The following SETX variants were observed in gnomAD, a reference collection of about 807,000 sequenced individuals.
SETX encodes the protein senataxin, also known as helicase senataxin.
SETX carries 90 observed loss-of-function variants against 227.2 expected under a neutral mutation model. That is an observed-to-expected ratio of 0.40 (90% CI 0.33 to 0.47). The LOEUF is 0.47. Among genes scored for constraint, SETX ranks in the 20% least tolerant of loss-of-function variants. SETX has a pLI of 0.91. For synonymous variants in SETX, 1,210 were observed against 1,113.2 expected (o/e 1.09, Z -1.73); for missense variants, 3,052 against 3,181.5 (o/e 0.96, Z 0.98).
chr9:132,321,427 T>G (rs559680652), intron 10 of SETX, among the ~76,000 whole-genome samples: 1 of 152,010 alleles, frequency 6.6e-6, no homozygotes, highest in Admixed American at 6.5e-5. Context: ...AAGGCCGAGG[T>G]GGGTGGATCA....
chr9:132,292,970 T>C (rs1228682922), intron 15 of SETX, among the ~76,000 whole-genome samples: 1 of 152,172 alleles, frequency 6.6e-6, no homozygotes, highest in East Asian at 1.9e-4. Flanking sequence ...GTAACTTCAA[T>C]ACTAAAACTA....
chr9:132,295,782 G>C (rs975867987), intron 15 of SETX, 90 bp downstream of exon 15: 1 of 1,173,016 alleles, frequency 8.5e-7, no homozygotes, highest in South Asian at 1.3e-5. Flanking sequence ...CTATTACCAG[G>C]ACTGGCCTGC....
At chr9:132,331,254 A>G (rs1847216924) in intron 8 of SETX, 23 bp downstream of exon 8, 1 of 1,613,692 alleles carries the variant, frequency 6.2e-7, no homozygotes, top group East Asian at 2.2e-5. Context: ...TGATGTTTAA[A>G]TCCTGACATT....
intron 11 of SETX, among the ~76,000 whole-genome samples, chr9:132,306,127 C>G (rs903460321): frequency 7.2e-5 from 11 of 152,198 alleles, no homozygotes; most frequent in Admixed American, 5.2e-4. Flanking sequence ...GGAACCCTGC[C>G]TCCTAACACC....
chr9:132,335,239 A>C (rs1847531904), intron 6 of SETX, among the ~76,000 whole-genome samples: 1 of 151,422 alleles, frequency 6.6e-6, no homozygotes, highest in Non-Finnish European at 1.5e-5. Flanking sequence ...AAATACAAAA[A>C]AATTAGCCAG....
chr9:132,341,503 G>T (rs528788), intron 5 of SETX, among the ~76,000 whole-genome samples: 3 of 152,170 alleles, frequency 2.0e-5, no homozygotes, highest in Non-Finnish European at 2.9e-5. Flanking sequence ...ATCCATCCTT[G>T]AGAGTCCTGC....
chr9:132,305,316 T>G (rs1289895184), intron 11 of SETX, among the ~76,000 whole-genome samples: 8 of 130,790 alleles, frequency 6.1e-5, no homozygotes, highest in African/African-American at 2.5e-4. Flanking sequence ...ATTGTGCCAC[T>G]GCACTCCCGC....
chr9:132,331,006 T>C (rs770864596), intron 9 of SETX, 46 bp downstream of exon 9: 1 of 1,388,538 alleles, frequency 7.2e-7, no homozygotes. Context: ...GTCTACACAA[T>C]ATAAAGGCAA....
At chr9:132,307,208 T>C (rs764084222) in intron 11 of SETX, among the ~76,000 whole-genome samples, 9 of 152,100 alleles carry the variant, frequency 5.9e-5, no homozygotes, top group Admixed American at 2.0e-4. Context: ...TGAGCCAAGA[T>C]CAGCTACTGC....
In SETX at chr9:132,262,510, C is replaced by T. The variant is rs1003360800; in HGVS notation, c.*1729G>A. 6.6e-6 allele frequency: 1 copy of T among 152,376 alleles called. No individual in the cohort carries two copies. The highest frequency in any genetic ancestry group is 1.5e-5 in the Non-Finnish European group (1 of 68,050). The allele number at this position is 152,376 out of a possible 1,614,324, so 9.4% of individuals were successfully genotyped here. ...CCAGACAGAATGGGACCCATCCCTA[C>T]CCGTCCTGAACTGTCGCACACTGCA... On this transcript the variant is annotated 3_prime_UTR_variant, in exon 26 of 26. Coordinates refer to ENST00000224140, the MANE Select transcript of SETX (RefSeq NM_015046.7).
intron 19 of SETX, chr9:132,282,644 G>A (rs7023995): frequency 1.2e-5 from 2 of 160,252 alleles, no homozygotes; most frequent in African/African-American, 4.8e-5. Flanking sequence ...GCGTCCATGA[G>A]TGTGTTTCCC....
intron 10 of SETX, among the ~76,000 whole-genome samples, chr9:132,318,025 C>T (rs1846092457): frequency 6.6e-6 from 1 of 152,082 alleles, no homozygotes; most frequent in South Asian, 2.1e-4. Flanking sequence ...TATATTAACA[C>T]TTCTCTATCC....
chr9:132,298,185 G>A lies in SETX; in HGVS notation c.5676C>T (p.Ala1892=). 1 of 1,614,024 alleles carries A rather than the reference G, an allele frequency of 6.2e-7. No individual in the cohort carries two copies. The highest frequency in any genetic ancestry group is 8.5e-7 in the Non-Finnish European group (1 of 1,179,978). The part of the protein sequence containing the change: ...SLVTTQRKLK[A]MSLLGSRNQL... Reference sequence around the variant, plus strand: ...GGTTCCGACTACCCAACAGAGACATGGCTTTCAACTTCCTTTGTGTAGTTA... The same window carrying A: ...GGTTCCGACTACCCAACAGAGACATAGCTTTCAACTTCCTTTGTGTAGTTA... Residue 1892 remains alanine (A), a synonymous_variant, in exon 13 of 26, where the codon GCC becomes GCT. Coordinates refer to ENST00000224140, the MANE Select transcript of SETX (RefSeq NM_015046.7).
In SETX at chr9:132,331,384, T is replaced by C; in HGVS notation, c.903A>G (p.Gly301=). Residue 301 remains glycine, a synonymous_variant, in exon 8 of 26, where the codon GGA becomes GGG. Coordinates refer to ENST00000224140, the MANE Select transcript of SETX (RefSeq NM_015046.7). ...HCFMVILDRL[G]SKVWGQLMDP... is the part of the protein sequence containing the mutation. ...CCATAAGTTGACCCCAGACCTTAGATCCAAGGCGATCCAGAATCACCATAA... is the reference window on the plus strand; with the variant it reads ...CCATAAGTTGACCCCAGACCTTAGACCCAAGGCGATCCAGAATCACCATAA... 1.2e-6 allele frequency: 2 copies of C among 1,614,026 alleles called. No individual in the cohort carries two copies. The highest frequency in any genetic ancestry group is 8.5e-7 in the Non-Finnish European group (1 of 1,179,990).
At position 132,331,407 on chromosome 9, in the gene SETX, TA is replaced by T. The variant is rs767011941; in HGVS notation, c.879del (p.Phe293LeufsTer3). ...GATCCAAGGCGATCCAGAATCACCA[TA>T]AAACAGTGTAACGCTGGCCAGAAAG... is the stretch of plus-strand genomic sequence containing the variant. ...VDPFWPALHC[F>X]MVILDRLGSK... On this transcript the variant is annotated frameshift_variant, in exon 8 of 26. Transcript: ENST00000224140. LOFTEE classifies it high-confidence loss of function. 10 of 1,614,110 alleles carry T rather than the reference TA, an allele frequency of 6.2e-6. No individual in the cohort carries two copies. The highest frequency in any genetic ancestry group is 8.5e-6 in the Non-Finnish European group (10 of 1,180,000).
rs1203179937 is a variant in SETX, at chr9:132,329,898, C to T, written c.1700G>A (p.Arg567Lys). The stretch of plus-strand genomic sequence containing the variant: ...CTGCCAACCTAGAGATAAATTTCCT[C>T]TAAGGAATAAGTTGAGCTTATCCCA... ...RFWDKLNLFL[R>K]GNLSLGWQLT... is the part of the protein sequence containing the mutation. The change falls in exon 10 of 26, where the codon AGA becomes AAA. Residue 567 changes from arginine to lysine, a missense_variant. Transcript: ENST00000224140. 15 of 1,614,036 alleles carry T rather than the reference C, an allele frequency of 9.3e-6. No individual in the cohort carries two copies. Among genetic ancestry groups the T allele is most frequent in the South Asian group, 2.2e-5 (2 of 91,086 alleles).
intron 3 of SETX, 136 bp downstream of exon 3, chr9:132,349,116 A>G (rs971737778): frequency 1.1e-6 from 1 of 896,540 alleles, no homozygotes; most frequent in African/African-American, 1.7e-5. Flanking sequence ...CAACAAAAAC[A>G]AAACAAAAAC....
chr9:132,288,188 T>A, intron 17 of SETX, 48 bp downstream of exon 17: 5 of 1,484,616 alleles, frequency 3.4e-6, no homozygotes, highest in Non-Finnish European at 4.7e-6. Context: ...AAAAAACTTG[T>A]TAACTAGTTC....
At chr9:132,291,541 A>C (rs1050242111) in intron 15 of SETX, among the ~76,000 whole-genome samples, 35 of 152,240 alleles carry the variant, frequency 2.3e-4, no homozygotes, top group African/African-American at 8.4e-4. Context: ...TACTATAAGC[A>C]CCCAGAAATG....
Sources: allele counts gnomAD v4.1 joint callset (sites outside exome capture counted in the v4.1 genomes callset), GRCh38; gene constraint gnomAD v4.1.1; transcripts MANE v1.5; gene names NCBI Gene and HGNC (gene_info 2026-07-23, HGNC 2026-07-21).